Variants in NKAIN2 observed in about 807,000 individuals in gnomAD.
NKAIN2 encodes sodium/potassium-transporting ATPase subunit beta-1-interacting protein 2.
NKAIN2 carries 14 observed loss-of-function variants against 32.6 expected under a neutral mutation model. The ratio of observed to expected loss-of-function variants is 0.43; its 90% CI spans 0.28 to 0.67. The LOEUF (loss-of-function observed/expected upper bound fraction) is 0.67, where lower values mean the gene tolerates loss of function less well. NKAIN2 is among the 30% of genes least tolerant of loss of function. The pLI is 0.17. For synonymous variants in NKAIN2, 80 were observed against 87.2 expected (o/e 0.92, Z 0.46); for missense variants, 198 against 258.3 (o/e 0.77, Z 1.60).
intron 1 of NKAIN2, among the ~76,000 whole-genome samples, chr6:124,175,731 C>T (rs1169194605): frequency 6.6e-6 from 1 of 152,084 alleles, no homozygotes; most frequent in Non-Finnish European, 1.5e-5. Flanking sequence ...TTTAGTTTAT[C>T]AATTCAGATT....
intron 3 of NKAIN2, among the ~76,000 whole-genome samples, chr6:124,471,553 G>A (rs1047741332): frequency 5.3e-5 from 8 of 152,032 alleles, no homozygotes; most frequent in African/African-American, 1.9e-4. Flanking sequence ...CAGTACATCA[G>A]CTGCTTTATT....
chr6:124,139,821 A>G (rs1416912127), intron 1 of NKAIN2, among the ~76,000 whole-genome samples: 1 of 152,228 alleles, frequency 6.6e-6, no homozygotes, highest in African/African-American at 2.4e-5. Flanking sequence ...GTTTGGGAGA[A>G]GAAGGATATT....
At chr6:124,247,366 C>T (rs1793461841) in intron 1 of NKAIN2, among the ~76,000 whole-genome samples, 1 of 152,078 alleles carries the variant, frequency 6.6e-6, no homozygotes, top group Admixed American at 6.6e-5. Flanking sequence ...ACATTAATGT[C>T]TCTGAAATGA....
chr6:124,698,941 T>C (rs1427783518), intron 4 of NKAIN2, among the ~76,000 whole-genome samples: 2 of 151,984 alleles, frequency 1.3e-5, no homozygotes, highest in African/African-American at 4.8e-5. Context: ...AGGTTGAGAG[T>C]TAAATTACTT....
intron 3 of NKAIN2, among the ~76,000 whole-genome samples, chr6:124,526,153 T>A (rs1325242284): frequency 6.6e-6 from 1 of 152,012 alleles, no homozygotes; most frequent in Non-Finnish European, 1.5e-5. Context: ...AAGCAAGACA[T>A]GGCAAGCAAT....
chr6:124,548,042 A>G (rs932428273), intron 3 of NKAIN2, among the ~76,000 whole-genome samples: 1 of 152,186 alleles, frequency 6.6e-6, no homozygotes, highest in Non-Finnish European at 1.5e-5. Flanking sequence ...AAATCTTAAA[A>G]TGGAACCTCC....
At chr6:124,159,250 CA>C (rs1165675098) in intron 1 of NKAIN2, among the ~76,000 whole-genome samples, 5 of 152,062 alleles carry the variant, frequency 3.3e-5, no homozygotes, top group Admixed American at 6.6e-5. Flanking sequence ...GTCCTAATGC[CA>C]GTATATGCAA....
At chr6:123,941,160 C>T (rs1212778950) in intron 1 of NKAIN2, among the ~76,000 whole-genome samples, 1 of 151,854 alleles carries the variant, frequency 6.6e-6, no homozygotes, top group African/African-American at 2.4e-5. Context: ...ATATCTTACA[C>T]CACTGGAAGG....
At chr6:124,336,676 T>G (rs1378483459) in intron 2 of NKAIN2, among the ~76,000 whole-genome samples, 7 of 146,440 alleles carry the variant, frequency 4.8e-5, no homozygotes, top group African/African-American at 7.5e-5. Context: ...TTGTTTTTTT[T>G]TGTTTGTTTT....
At chr6:124,378,400 T>C (rs938298868) in intron 3 of NKAIN2, among the ~76,000 whole-genome samples, 5 of 152,242 alleles carry the variant, frequency 3.3e-5, no homozygotes, top group East Asian at 1.9e-4. Context: ...CAGCTTGCCC[T>C]GGGTTTTATA....
At chr6:123,809,252 T>A (rs899593873) in intron 1 of NKAIN2, among the ~76,000 whole-genome samples, 8 of 152,130 alleles carry the variant, frequency 5.3e-5, no homozygotes, top group Admixed American at 6.6e-5. Context: ...ATTTTTGTTA[T>A]TTTTTTCCCC....
At chr6:124,201,559 C>T (rs555416305) in intron 1 of NKAIN2, among the ~76,000 whole-genome samples, 3 of 152,004 alleles carry the variant, frequency 2.0e-5, no homozygotes, top group East Asian at 3.9e-4. Flanking sequence ...AACTTGTGCT[C>T]TAGACTGCCA....
intron 3 of NKAIN2, among the ~76,000 whole-genome samples, chr6:124,655,567 G>A (rs941404716): frequency 2.0e-5 from 3 of 151,952 alleles, no homozygotes; most frequent in African/African-American, 7.3e-5. Context: ...TTGGGACTAA[G>A]GGGCTTCCAA....
chr6:124,009,676 G>T (rs1347989596), intron 1 of NKAIN2, among the ~76,000 whole-genome samples: 1 of 152,074 alleles, frequency 6.6e-6, no homozygotes, highest in Non-Finnish European at 1.5e-5. Context: ...GTCACTTTAT[G>T]TGCAGACTTT....
chr6:124,676,954 G>C (rs1447514573), intron 4 of NKAIN2, among the ~76,000 whole-genome samples: 2 of 152,042 alleles, frequency 1.3e-5, no homozygotes, highest in Non-Finnish European at 2.9e-5. Context: ...TGTGGGGTTT[G>C]TTGTTGTTGT....
chr6:124,512,390 A>G (rs1168257511), intron 3 of NKAIN2, among the ~76,000 whole-genome samples: 1 of 152,204 alleles, frequency 6.6e-6, no homozygotes, highest in Non-Finnish European at 1.5e-5. Context: ...TGTTTCAATA[A>G]GACTAACATT....
chr6:123,816,696 G>T (rs1773707527), intron 1 of NKAIN2, among the ~76,000 whole-genome samples: 1 of 152,166 alleles, frequency 6.6e-6, no homozygotes, highest in African/African-American at 2.4e-5. Context: ...GTAGTTAGAT[G>T]ATTGAAATGC....
intron 3 of NKAIN2, among the ~76,000 whole-genome samples, chr6:124,590,115 T>C (rs1781856263): frequency 6.6e-6 from 1 of 152,108 alleles, no homozygotes; most frequent in Non-Finnish European, 1.5e-5. Context: ...CTGTGAGTTG[T>C]GGAAACCCAA....
At chr6:124,099,914 T>G in intron 1 of NKAIN2, among the ~76,000 whole-genome samples, 1 of 152,128 alleles carries the variant, frequency 6.6e-6, no homozygotes, top group Non-Finnish European at 1.5e-5. Flanking sequence ...TTTTGTCTGT[T>G]TATTTTGGTT....
Sources: gnomAD v4.1 joint callset for allele counts (sites outside exome capture counted in the v4.1 genomes callset) on GRCh38, gnomAD v4.1.1 for gene constraint, MANE v1.5 for transcripts, NCBI Gene and HGNC (gene_info 2026-07-23, HGNC 2026-07-21) for gene names.